Variants in RASSF3 observed in about 807,000 individuals in gnomAD.
The protein encoded by RASSF3 is ras association domain-containing protein 3.
Under a neutral mutation model 19.9 loss-of-function variants are expected in RASSF3, and 19 were observed. The observed-to-expected ratio is 0.96, with a 90% CI of 0.67 to 1.40. RASSF3 has a LOEUF of 1.40. Ranked by LOEUF, RASSF3 falls within the 40% of genes most tolerant of loss-of-function variation. RASSF3 has a pLI of 0.00. For synonymous variants in RASSF3, 110 were observed against 104.2 expected (o/e 1.06, Z -0.34); for missense variants, 306 against 289.8 (o/e 1.06, Z -0.41).
At chr12:64,603,844 T>C (rs888876229) in intron 2 of RASSF3, among the ~76,000 whole-genome samples, 1 of 149,658 alleles carries the variant, frequency 6.7e-6, no homozygotes, top group East Asian at 1.9e-4. Flanking sequence ...TCTGATTTCC[T>C]TTTTTTTTTC....
intron 2 of RASSF3, among the ~76,000 whole-genome samples, chr12:64,557,022 A>G (rs1869267384): frequency 6.6e-6 from 1 of 152,006 alleles, no homozygotes; most frequent in Admixed American, 6.6e-5. Context: ...TTTTTAGTAC[A>G]GACGGGGTTT....
rs1868357975 is a variant in RASSF3 at position 64,696,118 on chromosome 12, C to CTCCCTCCCTCA, written c.*1206_*1207insTCCCTCCCTCA. 2.2e-5 allele frequency: 2 copies of CTCCCTCCCTCA among 89,756 alleles called. No homozygotes were observed. Among genetic ancestry groups the CTCCCTCCCTCA allele is most frequent in the African/African-American group, 9.8e-5 (2 of 20,344 alleles). 5.6% of individuals were successfully genotyped at this position (89,756 alleles called of 1,614,324 possible). On this transcript the variant is annotated 3_prime_UTR_variant, in exon 5 of 5. Transcript: ENST00000542104. The stretch of plus-strand genomic sequence containing the variant: ...CCCTCCCTCCCTCCCTCCCTCCCTC[C>CTCCCTCCCTCA]CTCCTTCCCTCCCTCTCTCTCCCTC...
chr12:64,537,838 G>C (rs1868860818), intron 1 of RASSF3, among the ~76,000 whole-genome samples: 1 of 152,142 alleles, frequency 6.6e-6, no homozygotes, highest in Non-Finnish European at 1.5e-5. Context: ...TCTTCTCCTA[G>C]TTCTGGAGTC....
intron 2 of RASSF3, among the ~76,000 whole-genome samples, chr12:64,590,095 G>A (rs188726815): frequency 4.8e-4 from 73 of 150,766 alleles, no homozygotes; most frequent in Non-Finnish European, 2.1e-4. Flanking sequence ...AAATTAGCCA[G>A]GTATGATGGT....
At chr12:64,679,925 C>T (rs1433268341) in intron 1 of RASSF3, among the ~76,000 whole-genome samples, 4 of 152,170 alleles carry the variant, frequency 2.6e-5, no homozygotes, top group Non-Finnish European at 4.4e-5. Flanking sequence ...CAGACGGCTG[C>T]GCCCCATGCC....
chr12:64,650,412 T>TC (rs1871904949), intron 1 of RASSF3, among the ~76,000 whole-genome samples: 1 of 127,594 alleles, frequency 7.8e-6, no homozygotes, highest in Non-Finnish European at 1.6e-5. Context: ...TTTTTCCTTT[T>TC]TTTTTTTTTT....
At chr12:64,587,051 C>CTTT (rs747066386) in intron 2 of RASSF3, among the ~76,000 whole-genome samples, 27 of 134,096 alleles carry the variant, frequency 2.0e-4, no homozygotes, top group African/African-American at 5.5e-4. Flanking sequence ...CCTCGCCTCA[C>CTTT]TTTTTTTTTT....
At chr12:64,533,559 G>A (rs892720618) in intron 1 of RASSF3, 19 of 152,258 alleles carry the variant, frequency 1.2e-4, no homozygotes, top group African/African-American at 4.3e-4. Context: ...GTAGGCAAAC[G>A]TGCTTTCAAA....
At chr12:64,566,075 C>T (rs984234424) in intron 2 of RASSF3, among the ~76,000 whole-genome samples, 1 of 151,878 alleles carries the variant, frequency 6.6e-6, no homozygotes, top group Non-Finnish European at 1.5e-5. Flanking sequence ...GTGGCAGGCA[C>T]CTATAGTCCC....
At chr12:64,634,762 TA>T (rs57235286) in intron 1 of RASSF3, among the ~76,000 whole-genome samples, 13,374 of 90,694 alleles carry the variant, frequency 0.15, 886 homozygotes, top group African/African-American at 0.21. Flanking sequence ...CACCATCTCA[TA>T]AAAAAAAAAA....
upstream of RASSF3, among the ~76,000 whole-genome samples, chr12:64,530,308 A>ATTT (rs35437783): frequency 1.4e-4 from 21 of 147,812 alleles, no homozygotes; most frequent in Admixed American, 5.4e-4. Context: ...GTGCACAACA[A>ATTT]TTTTTTTTTT....
chr12:64,550,354 A>C (rs1386603046), intron 2 of RASSF3, among the ~76,000 whole-genome samples: 2 of 152,080 alleles, frequency 1.3e-5, no homozygotes, highest in African/African-American at 4.8e-5. Context: ...GAAAAGGAGA[A>C]GAGAAGAGAA....
chr12:64,568,066 C>G (rs918061220), intron 2 of RASSF3, among the ~76,000 whole-genome samples: 3 of 152,300 alleles, frequency 2.0e-5, no homozygotes, highest in South Asian at 4.1e-4. Context: ...GAGTCTCGCT[C>G]TGTTGCCCAG....
At chr12:64,553,976 C>CAAAAAAAAA (rs1021865573) in intron 2 of RASSF3, among the ~76,000 whole-genome samples, 15 of 83,484 alleles carry the variant, frequency 1.8e-4, no homozygotes, top group African/African-American at 5.5e-4. Context: ...GATCCTGTCT[C>CAAAAAAAAA]AAAAAAAAAA....
chr12:64,543,439 C>CTG (rs1868983343), downstream of RASSF3, among the ~76,000 whole-genome samples: 1 of 63,256 alleles, frequency 1.6e-5, no homozygotes, highest in Non-Finnish European at 2.9e-5. Context: ...GCCCGCCCCC[C>CTG]CCGTGCCCGC....
At position 64,610,858 on chromosome 12, in the gene RASSF3, G is replaced by T. The variant is rs115467889; in HGVS notation, c.111+115G>T. 3,387 of 560,816 alleles carry T rather than the reference G, an allele frequency of 6.0e-3. 95 individuals are homozygous for T. In the African/African-American group the frequency reaches 0.061, roughly 10 times the overall value. The allele number at this position is 560,816 out of a possible 1,614,324, so 34.7% of individuals were successfully genotyped here. On this transcript the variant is annotated intron_variant, in intron 1 of 4. Coordinates refer to ENST00000542104, the MANE Select transcript of RASSF3 (RefSeq NM_178169.4). ...GGGGCGCTCGGGGGATGCTCGCCGG[G>T]AAGGAGGAGCGGGCCGAGAAGTGGC... is the stretch of plus-strand genomic sequence containing the variant.
At chr12:64,520,359 T>C (rs1211467311) in intron 1 of RASSF3, among the ~76,000 whole-genome samples, 3 of 151,670 alleles carry the variant, frequency 2.0e-5, no homozygotes, top group African/African-American at 4.8e-5. Context: ...GATGGGGTTT[T>C]ATTATGTTGG....
chr12:64,696,118 C>CCTCCTCCCTCCCTCA lies in RASSF3; in HGVS notation c.*1211_*1212insCCCTCCCTCACTCCT, dbSNP rs1868359015. 1 of 89,756 alleles carries CCTCCTCCCTCCCTCA rather than the reference C, an allele frequency of 1.1e-5. No homozygotes were observed. Among genetic ancestry groups the CCTCCTCCCTCCCTCA allele is most frequent in the Non-Finnish European group, 2.2e-5 (1 of 45,828 alleles). 5.6% of individuals were successfully genotyped at this position (89,756 alleles called of 1,614,324 possible). A position where few individuals can be genotyped will look rare whatever the true frequency, so the allele number is the denominator to read the frequency against. ...CCCTCCCTCCCTCCCTCCCTCCCTCCCTCCTTCCCTCCCTCTCTCTCCCTC... is the reference window on the plus strand; with the variant it reads ...CCCTCCCTCCCTCCCTCCCTCCCTCCCTCCTCCCTCCCTCACTCCTTCCCTCCCTCTCTCTCCCTC... On this transcript the variant is annotated 3_prime_UTR_variant, in exon 5 of 5. Transcript: ENST00000542104.
Position 64,552,328 on chromosome 12 carries a change from GGGTACATGTGCAGGATGTGCA to G in RASSF3, c.294+10640_294+10660del, listed in dbSNP as rs1284841573. Among the ~76,000 whole-genome samples the G allele has an allele frequency of 3.9e-5, 6 of 151,954 alleles. No homozygotes were observed. In the East Asian group the frequency reaches 1.2e-3, roughly 29 times the overall value. On this transcript the variant is annotated intron_variant, in intron 2 of 5. Coordinates refer to the RASSF3 transcript ENST00000637125. The stretch of plus-strand genomic sequence containing the variant: ...TTTTTTAATTTTATTTTTAGTTCTG[GGGTACATGTGCAGGATGTGCA>G]GGTACATGTGCAGGATAAATTTAAT...
Sources: gnomAD v4.1 joint callset for allele counts (sites outside exome capture counted in the v4.1 genomes callset) on GRCh38, gnomAD v4.1.1 for gene constraint, MANE v1.5 for transcripts, NCBI Gene and HGNC (gene_info 2026-07-23, HGNC 2026-07-21) for gene names.